SLC9A9: variants seen among roughly 807,000 people sequenced by gnomAD.
SLC9A9 encodes the protein sodium/hydrogen exchanger 9.
A neutral mutation model predicts 77.8 loss-of-function variants in SLC9A9; 62 were observed. The ratio of observed to expected loss-of-function variants is 0.80; its 90% CI spans 0.65 to 0.98. The LOEUF is 0.98. Among genes scored for constraint, SLC9A9 ranks in the 50% least tolerant of loss-of-function variants. SLC9A9 has a pLI of 0.00. For synonymous variants in SLC9A9, 320 were observed against 283.5 expected, an observed-to-expected ratio of 1.13 and a Z score of -1.29; for missense variants, 775 against 774.9, an observed-to-expected ratio of 1.00 and a Z score of 0.00.
At chr3:143,797,281 A>G (rs1194636041) in intron 2 of SLC9A9, among the ~76,000 whole-genome samples, 5 of 151,774 alleles carry the variant, frequency 3.3e-5, no homozygotes, top group Non-Finnish European at 7.4e-5. Flanking sequence ...CGCTTTCCCT[A>G]TTTTGTCCCA....
intron 11 of SLC9A9, among the ~76,000 whole-genome samples, chr3:143,487,466 C>A (rs1031596750): frequency 1.3e-5 from 2 of 151,792 alleles, no homozygotes; most frequent in African/African-American, 4.8e-5. Flanking sequence ...CAACAACATA[C>A]ACAGTCTTCT....
intron 6 of SLC9A9, among the ~76,000 whole-genome samples, chr3:143,600,253 C>T (rs1042492061): frequency 1.1e-4 from 17 of 152,128 alleles, no homozygotes; most frequent in Admixed American, 3.3e-4. Flanking sequence ...TTGTTCAACT[C>T]CCACCTATGA....
At chr3:143,578,860 A>G in intron 6 of SLC9A9, 137 bp from the exon 7 acceptor site, 1 of 999,928 alleles carries the variant, frequency 1.0e-6, no homozygotes, top group East Asian at 2.5e-5. Context: ...GAAAACAGAT[A>G]CAGAAGGGGA....
chr3:143,597,180 A>C (rs1237291658), intron 6 of SLC9A9, among the ~76,000 whole-genome samples: 1 of 152,072 alleles, frequency 6.6e-6, no homozygotes, highest in African/African-American at 2.4e-5. Flanking sequence ...ACACACCTCC[A>C]CTTATTATAT....
At chr3:143,710,168 A>G (rs1445968472) in intron 4 of SLC9A9, among the ~76,000 whole-genome samples, 1 of 152,220 alleles carries the variant, frequency 6.6e-6, no homozygotes, top group Non-Finnish European at 1.5e-5. Context: ...ATGTGTATAA[A>G]CACAAACATA....
intron 12 of SLC9A9, among the ~76,000 whole-genome samples, chr3:143,464,161 G>T (rs1408706028): frequency 6.6e-6 from 1 of 152,100 alleles, no homozygotes; most frequent in African/African-American, 2.4e-5. Context: ...TGTCTCTTGG[G>T]TTTCTCCATT....
In SLC9A9 at chr3:143,833,035, C is replaced by T. The variant is rs761805951; in HGVS notation, c.176-814G>A. 3.4e-4 allele frequency among the ~76,000 whole-genome samples: 51 copies of T among 152,100 alleles called. 1 individual carries two copies. The highest frequency in any genetic ancestry group is 1.9e-4 in the East Asian group (1 of 5,202). ...CTAAGTGACAATCCTTGAATTTTTA[C>T]GTTTTTAAACTCTGTGAAGATGCTC... is the stretch of plus-strand genomic sequence containing the variant. On this transcript the variant is annotated intron_variant, in intron 1 of 15. Coordinates refer to ENST00000316549, the MANE Select transcript of SLC9A9 (RefSeq NM_173653.4).
At chr3:143,695,776 G>T (rs1051959309) in intron 4 of SLC9A9, among the ~76,000 whole-genome samples, 2 of 152,110 alleles carry the variant, frequency 1.3e-5, no homozygotes, top group African/African-American at 4.8e-5. Context: ...CACAGTGGTT[G>T]AACTAATTTA....
chr3:143,755,541 G>A (rs904032848), intron 4 of SLC9A9, among the ~76,000 whole-genome samples: 64 of 152,222 alleles, frequency 4.2e-4, no homozygotes, highest in East Asian at 2.7e-3. Context: ...TGTTAGAGCC[G>A]TATTAGAAGC....
intron 5 of SLC9A9, among the ~76,000 whole-genome samples, chr3:143,668,790 A>G (rs976352811): frequency 1.3e-5 from 2 of 152,206 alleles, no homozygotes; most frequent in Admixed American, 1.3e-4. Flanking sequence ...TGCCCTCGTA[A>G]TCAGGAACTT....
chr3:143,848,366 G>C lies in SLC9A9; in HGVS notation c.-44C>G, dbSNP rs373684159. 1.6e-5 allele frequency: 25 copies of C among 1,612,356 alleles called. No homozygotes were observed. In the African/African-American group the frequency reaches 3.3e-4, roughly 22 times the overall value. On this transcript the variant is annotated 5_prime_UTR_variant, in exon 1 of 16. Coordinates refer to ENST00000316549, the MANE Select transcript of SLC9A9 (RefSeq NM_173653.4). ...TTCCTTAGATAAAAACCTGGATAAA[G>C]GCTATTTTATCAAGATTTGCCTAAG...
chr3:143,576,371 T>C (rs2108660643), intron 7 of SLC9A9, among the ~76,000 whole-genome samples: 1 of 152,344 alleles, frequency 6.6e-6, no homozygotes, highest in Middle Eastern at 3.4e-3. Context: ...GATGTGATTA[T>C]TACCATGCTC....
intron 11 of SLC9A9, among the ~76,000 whole-genome samples, chr3:143,481,083 T>C (rs2035565849): frequency 6.6e-6 from 1 of 152,236 alleles, no homozygotes. Context: ...CCTATTTATA[T>C]ACCAAATATT....
chr3:143,413,895 A>ACTGG (rs2034143929), intron 12 of SLC9A9, among the ~76,000 whole-genome samples: 1 of 152,370 alleles, frequency 6.6e-6, no homozygotes, highest in African/African-American at 2.4e-5. Flanking sequence ...GTGAAAATAT[A>ACTGG]CTGGCTTTTT....
chr3:143,366,645 C>T (rs2032910288), intron 13 of SLC9A9, among the ~76,000 whole-genome samples: 1 of 152,164 alleles, frequency 6.6e-6, no homozygotes, highest in Non-Finnish European at 1.5e-5. Flanking sequence ...TTGCCATATG[C>T]CAGACACTAT....
chr3:143,531,752 ACAAAAC>A (rs2036513393), intron 9 of SLC9A9, among the ~76,000 whole-genome samples: 4 of 152,360 alleles, frequency 2.6e-5, no homozygotes, highest in Middle Eastern at 3.4e-3. Flanking sequence ...AAAGCTAAAA[ACAAAAC>A]AATAAGGTAA....
At chr3:143,304,356 G>T (rs975337358) in intron 14 of SLC9A9, among the ~76,000 whole-genome samples, 3 of 152,180 alleles carry the variant, frequency 2.0e-5, no homozygotes, top group African/African-American at 7.2e-5. Context: ...CCTAGGAGGC[G>T]CATATGTTTG....
intron 9 of SLC9A9, among the ~76,000 whole-genome samples, chr3:143,531,246 T>C (rs775586954): frequency 2.7e-4 from 41 of 152,220 alleles, no homozygotes; most frequent in Non-Finnish European, 5.0e-4. Flanking sequence ...ACTTAGCTCT[T>C]GAGATTTCAA....
At chr3:143,462,370 CA>C (rs548135519) in intron 12 of SLC9A9, among the ~76,000 whole-genome samples, 22 of 144,986 alleles carry the variant, frequency 1.5e-4, no homozygotes, top group East Asian at 4.0e-4. Flanking sequence ...AAGACACTCT[CA>C]AAAAAAAAAA....
Sources: gnomAD v4.1 joint callset for allele counts (sites outside exome capture counted in the v4.1 genomes callset) on GRCh38, gnomAD v4.1.1 for gene constraint, MANE v1.5 for transcripts, NCBI Gene and HGNC (gene_info 2026-07-23, HGNC 2026-07-21) for gene names.